The following TINAG variants were observed in gnomAD, a reference collection of about 807,000 sequenced individuals.
TINAG encodes the protein tubulointerstitial nephritis antigen.
In TINAG, 83 loss-of-function variants were observed where a neutral mutation model predicts 72.7. That is an observed-to-expected ratio of 1.14 (90% CI 0.96 to 1.37). The LOEUF (loss-of-function observed/expected upper bound fraction) is 1.37. TINAG is among the 40% of genes most tolerant of loss of function. The pLI, the probability that TINAG is intolerant of heterozygous loss-of-function variation, is 0.00. For missense variants in TINAG, 685 were observed against 576.6 expected (o/e 1.19, Z -1.93); for synonymous variants, 234 against 189.9 (o/e 1.23, Z -1.91).
chr6:54,389,746 C>G, intron 10 of TINAG, 45 bp from the exon 11 acceptor site: 1 of 1,548,584 alleles, frequency 6.5e-7, no homozygotes, highest in Non-Finnish European at 8.7e-7. Context: ...TTAAAAAATA[C>G]CAAAGTATGT....
At chr6:54,312,095 C>T (rs1318953119) in intron 1 of TINAG, among the ~76,000 whole-genome samples, 2 of 151,638 alleles carry the variant, frequency 1.3e-5, no homozygotes, top group African/African-American at 2.4e-5. Context: ...CTTGCTCTGT[C>T]ACCCAGGCTG....
chr6:54,384,345 A>T (rs1183661205), intron 10 of TINAG, among the ~76,000 whole-genome samples: 1 of 152,198 alleles, frequency 6.6e-6, no homozygotes, highest in Non-Finnish European at 1.5e-5. Flanking sequence ...CAGAACTTAA[A>T]TTATAATAAA....
At chr6:54,350,144 A>C (rs1164602047) in intron 7 of TINAG, among the ~76,000 whole-genome samples, 1 of 152,100 alleles carries the variant, frequency 6.6e-6, no homozygotes, top group Non-Finnish European at 1.5e-5. Context: ...TTTTAAAATT[A>C]TGTTTCATAA....
chr6:54,375,352 T>C (rs1236901776), intron 9 of TINAG, among the ~76,000 whole-genome samples: 1 of 152,110 alleles, frequency 6.6e-6, no homozygotes, highest in African/African-American at 2.4e-5. Flanking sequence ...TGTAGAGCCA[T>C]ATCAGTAGAG....
At chr6:54,312,995 G>C (rs1054449956) in intron 1 of TINAG, among the ~76,000 whole-genome samples, 3 of 152,134 alleles carry the variant, frequency 2.0e-5, no homozygotes, top group Non-Finnish European at 4.4e-5. Flanking sequence ...AACTTGCACA[G>C]CTGTACATGC....
chr6:54,386,738 T>C (rs898415344), intron 10 of TINAG, among the ~76,000 whole-genome samples: 5 of 151,480 alleles, frequency 3.3e-5, no homozygotes, highest in African/African-American at 1.2e-4. Context: ...AAAAAAAACC[T>C]AGATCACTTC....
intron 9 of TINAG, among the ~76,000 whole-genome samples, chr6:54,360,501 T>G (rs1263716841): frequency 6.6e-6 from 1 of 151,666 alleles, no homozygotes; most frequent in Non-Finnish European, 1.5e-5. Context: ...CCACCCAATA[T>G]TCTCCATATT....
intron 9 of TINAG, among the ~76,000 whole-genome samples, chr6:54,377,590 A>C (rs1763818827): frequency 6.6e-6 from 1 of 152,148 alleles, no homozygotes; most frequent in Non-Finnish European, 1.5e-5. Flanking sequence ...GTTTGTAAAT[A>C]ATCTTCAAAT....
At chr6:54,330,024 A>C (rs1253631082) in intron 4 of TINAG, among the ~76,000 whole-genome samples, 1 of 152,126 alleles carries the variant, frequency 6.6e-6, no homozygotes, top group Non-Finnish European at 1.5e-5. Flanking sequence ...TAATAGTTGA[A>C]GATTTTAACA....
intron 9 of TINAG, among the ~76,000 whole-genome samples, chr6:54,370,281 A>G (rs1024943577): frequency 1.3e-5 from 2 of 152,074 alleles, no homozygotes; most frequent in African/African-American, 2.4e-5. Context: ...TTTACTTGGC[A>G]TTAATATATT....
At chr6:54,348,807 A>G (rs879668352) in intron 6 of TINAG, among the ~76,000 whole-genome samples, 1 of 152,168 alleles carries the variant, frequency 6.6e-6, no homozygotes, top group Non-Finnish European at 1.5e-5. Context: ...TAATGCATTT[A>G]ATGCAATATT....
intron 5 of TINAG, 82 bp downstream of exon 5, chr6:54,343,431 C>T (rs1017615303): frequency 8.1e-7 from 1 of 1,235,596 alleles, no homozygotes; most frequent in Non-Finnish European, 1.1e-6. Context: ...ACAATTTTAA[C>T]AATTAGAATA....
chr6:54,358,870 A>C (rs2090513917), intron 9 of TINAG, among the ~76,000 whole-genome samples: 1 of 151,740 alleles, frequency 6.6e-6, no homozygotes, highest in Admixed American at 6.6e-5. Flanking sequence ...GAAGGGATTG[A>C]CATCTGATCG....
At position 54,390,068 on chromosome 6, in the gene TINAG, G is replaced by C; in HGVS notation, c.*143G>C. 8.8e-7 allele frequency: 1 copy of C among 1,136,740 alleles called. No individual in the cohort carries two copies. Among genetic ancestry groups the C allele is most frequent in the Non-Finnish European group, 1.2e-6 (1 of 817,574 alleles). 70.4% of individuals were successfully genotyped at this position (1,136,740 alleles called of 1,614,324 possible). On this transcript the variant is annotated 3_prime_UTR_variant, in exon 11 of 11. Transcript: ENST00000259782. ...TATCTATTTTCTTATTTTCCCCTCT[G>C]GTCTATGCTTCTGCTTCCTTCATAT...
chr6:54,321,237 A>G (rs1784483018), intron 2 of TINAG, 60 bp from the exon 3 acceptor site: 3 of 1,227,032 alleles, frequency 2.4e-6, no homozygotes, highest in South Asian at 1.2e-5. Flanking sequence ...AACTCTTTTT[A>G]CTAATTGAAA....
At chr6:54,314,687 TCA>T (rs1168430046) in intron 1 of TINAG, among the ~76,000 whole-genome samples, 1 of 152,200 alleles carries the variant, frequency 6.6e-6, no homozygotes, top group Non-Finnish European at 1.5e-5. Context: ...TTTTTGAGTC[TCA>T]GTTTAAAAGT....
intron 6 of TINAG, among the ~76,000 whole-genome samples, chr6:54,347,984 C>G (rs771625169): frequency 3.3e-5 from 5 of 152,052 alleles, no homozygotes; most frequent in African/African-American, 7.2e-5. Context: ...TTAATTTTCT[C>G]CACTCCATTT....
At chr6:54,336,293 G>A (rs918668178) in intron 4 of TINAG, among the ~76,000 whole-genome samples, 2 of 152,110 alleles carry the variant, frequency 1.3e-5, no homozygotes, top group Admixed American at 1.3e-4. Flanking sequence ...CCCTTGTATT[G>A]ACCTTGGGAG....
chr6:54,323,079 C>A (rs1240434782), intron 3 of TINAG, among the ~76,000 whole-genome samples: 1 of 152,184 alleles, frequency 6.6e-6, no homozygotes, highest in Non-Finnish European at 1.5e-5. Context: ...TTTGCACCAA[C>A]CTAATATCTT....
Sources: gnomAD v4.1 joint callset for allele counts (sites outside exome capture counted in the v4.1 genomes callset) on GRCh38, gnomAD v4.1.1 for gene constraint, MANE v1.5 for transcripts, NCBI Gene and HGNC (gene_info 2026-07-23, HGNC 2026-07-21) for gene names.